Variants in CMIP observed in about 807,000 individuals in gnomAD.
The protein encoded by CMIP is c-Maf inducing protein.
In CMIP, 13 loss-of-function variants were observed where a neutral mutation model predicts 97.3. That is an observed-to-expected ratio of 0.13 (90% CI 0.09 to 0.21). CMIP has a LOEUF of 0.21. Among genes scored for constraint, CMIP ranks in the 10% least tolerant of loss-of-function variants. CMIP has a pLI of 1.00. For synonymous variants in CMIP, 538 were observed against 436.3 expected, an observed-to-expected ratio of 1.23 and a Z score of -2.91; for missense variants, 847 against 1,024.9, an observed-to-expected ratio of 0.83 and a Z score of 2.37.
chr16:81,607,793 A>G (rs2091769309), intron 2 of CMIP, 101 bp downstream of exon 2: 1 of 1,317,280 alleles, frequency 7.6e-7, no homozygotes, highest in African/African-American at 1.5e-5. Flanking sequence ...TCAAGAGGAA[A>G]GGTTGTTTAA....
At chr16:81,519,753 C>T (rs1411264579) in intron 1 of CMIP, 1 of 152,238 alleles carries the variant, frequency 6.6e-6, no homozygotes, top group Admixed American at 6.5e-5. Flanking sequence ...GGCAGTTTGA[C>T]ATGGCTCACT....
chr16:81,696,359 G>T lies in CMIP; in HGVS notation c.1531-201G>T, dbSNP rs1000561632. On this transcript the variant is annotated intron_variant, in intron 13 of 20. Transcript: ENST00000537098. ...ACAGCCAGTAGCCAGAGTCCCCTGG[G>T]GTGTGGGGGCCACGGTATTTCCCGA... 1.6e-5 allele frequency: 10 copies of T among 625,666 alleles called. No homozygotes were observed. The African/African-American group carries it at 1.8e-4, about 11-fold the overall frequency. 38.8% of individuals were successfully genotyped at this position (625,666 alleles called of 1,614,324 possible). A position where few individuals can be genotyped will look rare whatever the true frequency, so the allele number is the denominator to read the frequency against.
rs538830781 is a variant in CMIP at position 81,633,728 on chromosome 16, A to T, written c.477+12802A>T. Among the ~76,000 whole-genome samples, 3 of 152,326 alleles carry T rather than the reference A, an allele frequency of 2.0e-5. No individual in the cohort carries two copies. The South Asian group carries it at 6.2e-4, about 32-fold the overall frequency. On this transcript the variant is annotated intron_variant, in intron 3 of 20. Coordinates refer to ENST00000537098, the MANE Select transcript of CMIP (RefSeq NM_198390.3). ...GAGCTTGCTGGCACGTGGCAGCAGA[A>T]GGCCAGGGTGGTTTGTTTCCAGCGG...
chr16:81,515,626 C>T (rs374418319), intron 1 of CMIP, among the ~76,000 whole-genome samples: 6 of 152,150 alleles, frequency 3.9e-5, no homozygotes, highest in African/African-American at 7.2e-5. Flanking sequence ...GAAGCATCAC[C>T]GGCTTTATTC....
At chr16:81,553,143 C>A (rs1351205653) in intron 1 of CMIP, among the ~76,000 whole-genome samples, 1 of 152,154 alleles carries the variant, frequency 6.6e-6, no homozygotes, top group Non-Finnish European at 1.5e-5. Flanking sequence ...GTTTCAGTCC[C>A]ACTGTTTCTC....
chr16:81,515,148 T>C (rs2089888134), intron 1 of CMIP, among the ~76,000 whole-genome samples: 1 of 152,318 alleles, frequency 6.6e-6, no homozygotes, highest in African/African-American at 2.4e-5. Context: ...GACCGTCTTC[T>C]CCCAGTTAAA....
chr16:81,529,291 G>A (rs898435965), intron 1 of CMIP, among the ~76,000 whole-genome samples: 3 of 152,126 alleles, frequency 2.0e-5, no homozygotes, highest in African/African-American at 7.2e-5. Flanking sequence ...GAGATTGGGG[G>A]CACATGGTTT....
At chr16:81,506,193 T>G (rs557883854) in intron 1 of CMIP, among the ~76,000 whole-genome samples, 88 of 152,334 alleles carry the variant, frequency 5.8e-4, no homozygotes, top group Non-Finnish European at 1.1e-3. Flanking sequence ...TTCCTGCAGC[T>G]CACGTAGTTA....
intron 1 of CMIP, among the ~76,000 whole-genome samples, chr16:81,469,634 CCTT>C (rs1907406490): frequency 6.6e-6 from 1 of 152,162 alleles, no homozygotes; most frequent in Non-Finnish European, 1.5e-5. Context: ...TGGAGTCAGA[CCTT>C]CTTAAGTTCA....
At chr16:81,546,218 C>G (rs1026646102) in intron 1 of CMIP, among the ~76,000 whole-genome samples, 1 of 152,176 alleles carries the variant, frequency 6.6e-6, no homozygotes, top group African/African-American at 2.4e-5. Context: ...GAATCCCGAT[C>G]CTTCTCTCTG....
At chr16:81,579,762 G>C (rs1342678650) in intron 1 of CMIP, among the ~76,000 whole-genome samples, 2 of 152,150 alleles carry the variant, frequency 1.3e-5, no homozygotes, top group Non-Finnish European at 2.9e-5. Context: ...AGACCATCCT[G>C]GCTAACATGG....
rs190815837 is a variant in CMIP at position 81,489,532 on chromosome 16, C to T, written c.300+43991C>T. ...CTCTTTCCAAAAGTGCCGCTGTACC[C>T]GGAGGTCTGGAAGACTTTACAAGTG... On this transcript the variant is annotated intron_variant, in intron 1 of 20. Coordinates refer to ENST00000537098, the MANE Select transcript of CMIP (RefSeq NM_198390.3). Among the ~76,000 whole-genome samples the T allele has an allele frequency of 5.4e-3, 821 of 152,292 alleles. 31 individuals are homozygous for T. The highest frequency in any genetic ancestry group is 0.048 in the Admixed American group (741 of 15,300).
At chr16:81,569,184 C>T (rs2091038542) in intron 1 of CMIP, among the ~76,000 whole-genome samples, 2 of 152,228 alleles carry the variant, frequency 1.3e-5, no homozygotes, top group Non-Finnish European at 2.9e-5. Context: ...CTCTCCCCAT[C>T]ACCCTGTATC....
chr16:81,568,638 C>A (rs1263883592), intron 1 of CMIP, among the ~76,000 whole-genome samples: 6 of 152,212 alleles, frequency 3.9e-5, no homozygotes, highest in African/African-American at 1.4e-4. Flanking sequence ...TTCTCGCTTT[C>A]AACCCAGTAA....
At chr16:81,556,874 C>G (rs2150865798) in intron 1 of CMIP, among the ~76,000 whole-genome samples, 1 of 152,330 alleles carries the variant, frequency 6.6e-6, no homozygotes, top group South Asian at 2.1e-4. Flanking sequence ...GAAAACTGTG[C>G]AGGTCCTCAA....
At chr16:81,658,883 T>G (rs952202383) in intron 5 of CMIP, among the ~76,000 whole-genome samples, 1 of 152,188 alleles carries the variant, frequency 6.6e-6, no homozygotes, top group African/African-American at 2.4e-5. Flanking sequence ...ATCAGGGCCT[T>G]GGGGGACCCA....
chr16:81,649,351 G>T (rs371405331), intron 3 of CMIP, among the ~76,000 whole-genome samples: 1 of 152,242 alleles, frequency 6.6e-6, no homozygotes, highest in African/African-American at 2.4e-5. Context: ...TGGGTGTACC[G>T]ACCCCGAGGG....
rs1477785202 is a variant in CMIP, at chr16:81,495,394, C to T, written c.300+49853C>T. ...CGTGCATGGCATAACCGTTTGAGAA[C>T]AACAAACCAAGCCGGCCGGGCTGCC... On this transcript the variant is annotated intron_variant, in intron 1 of 20. Coordinates refer to ENST00000537098, the MANE Select transcript of CMIP (RefSeq NM_198390.3). The T allele has an allele frequency of 9.7e-6, 15 of 1,552,908 alleles. No homozygotes were observed. The South Asian group carries it at 1.2e-4, about 12-fold the overall frequency.
At chr16:81,656,020 A>G (rs1423308928) in intron 4 of CMIP, among the ~76,000 whole-genome samples, 1 of 152,234 alleles carries the variant, frequency 6.6e-6, no homozygotes, top group Non-Finnish European at 1.5e-5. Context: ...ATAATCTACC[A>G]TAAACAGGCT....
Sources: allele counts gnomAD v4.1 joint callset (sites outside exome capture counted in the v4.1 genomes callset), GRCh38; gene constraint gnomAD v4.1.1; transcripts MANE v1.5; gene names NCBI Gene and HGNC (gene_info 2026-07-23, HGNC 2026-07-21).